DET1: variants seen among roughly 807,000 people sequenced by gnomAD.
DET1 encodes the protein DET1 homolog.
A neutral mutation model predicts 43.7 loss-of-function variants in DET1; 22 were observed. That is an observed-to-expected ratio of 0.50 (90% confidence interval 0.36 to 0.72). The LOEUF (loss-of-function observed/expected upper bound fraction) is 0.72, where lower values mean the gene tolerates loss of function less well. Ranked by LOEUF, DET1 falls within the 30% of genes least tolerant of loss-of-function variation. The pLI, the probability that DET1 is intolerant of heterozygous loss-of-function variation, is 0.00. For missense variants in DET1, 713 were observed against 713.3 expected (o/e 1.00, Z 0.00); for synonymous variants, 315 against 266.2 (o/e 1.18, Z -1.79).
intron 7 of DET1, chr15:88,505,076 C>T (rs2056126250): frequency 6.6e-6 from 1 of 152,152 alleles, no homozygotes; most frequent in African/African-American, 2.4e-5. Flanking sequence ...TCGACTTAAC[C>T]TCTAGTTTCA....
intron 1 of DET1, among the ~76,000 whole-genome samples, chr15:88,542,572 C>A (rs2057138933): frequency 6.6e-6 from 1 of 152,132 alleles, no homozygotes; most frequent in African/African-American, 2.4e-5. Flanking sequence ...GCTCCAGAAA[C>A]TGAAAGGATT....
Position 88,531,741 on chromosome 15 carries a change from C to A in DET1, c.-10-26G>T. 6.4e-7 allele frequency: 1 copy of A among 1,567,536 alleles called. No homozygotes were observed. The highest frequency in any genetic ancestry group is 1.2e-5 in the South Asian group (1 of 85,572). On this transcript the variant is annotated intron_variant, in intron 1 of 4. Transcript: ENST00000268148. This position sits in a 1 kb window ranked among gnomAD's most constrained non-coding sequence, Gnocchi z 6.2. ...CTAAACAGAAAAGTAAAGCAGAAGT[C>A]AAGAAAGTGAAACAGAATTTACCAA...
chr15:88,524,234 T>G (rs1229117123), intron 3 of DET1, among the ~76,000 whole-genome samples: 1 of 149,660 alleles, frequency 6.7e-6, no homozygotes, highest in Non-Finnish European at 1.5e-5. Flanking sequence ...GAGGAGCATC[T>G]CTGCCTGGCC....
chr15:88,519,636 T>C (rs1235715985), intron 3 of DET1, among the ~76,000 whole-genome samples: 1 of 152,190 alleles, frequency 6.6e-6, no homozygotes, highest in Non-Finnish European at 1.5e-5. Flanking sequence ...TCCTTCCACA[T>C]AGATGAAATT....
At chr15:88,513,267 A>G (rs1343404891) in intron 4 of DET1, 127 bp from the exon 5 acceptor site, 1 of 968,860 alleles carries the variant, frequency 1.0e-6, no homozygotes, top group Non-Finnish European at 1.5e-6. Flanking sequence ...ATCGCCTCTT[A>G]TATCAGCCCC....
At chr15:88,514,933 G>A (rs2056299486) in intron 4 of DET1, among the ~76,000 whole-genome samples, 1 of 152,088 alleles carries the variant, frequency 6.6e-6, no homozygotes, top group African/African-American at 2.4e-5. Context: ...AAGTCAGAAA[G>A]GAGAGAGAAA....
chr15:88,532,150 A>C (rs1047893526), intron 1 of DET1, among the ~76,000 whole-genome samples: 1 of 152,190 alleles, frequency 6.6e-6, no homozygotes, highest in African/African-American at 2.4e-5. Flanking sequence ...AAAAAATATA[A>C]AAATTAGCTA....
chr15:88,521,501 C>A (rs187779582), intron 3 of DET1, among the ~76,000 whole-genome samples: 674 of 152,338 alleles, frequency 4.4e-3, no homozygotes, highest in Middle Eastern at 0.024. Context: ...ATCCTCAAGA[C>A]TCTCTTTGCC....
chr15:88,540,463 TAA>T (rs531746270), intron 1 of DET1, among the ~76,000 whole-genome samples: 5 of 136,644 alleles, frequency 3.7e-5, no homozygotes, highest in Admixed American at 7.3e-5. Flanking sequence ...AATTGCCTTC[TAA>T]AAAAAAAAAA....
intron 1 of DET1, among the ~76,000 whole-genome samples, chr15:88,541,466 C>G (rs1039288561): frequency 1.3e-5 from 2 of 151,936 alleles, no homozygotes; most frequent in Admixed American, 1.3e-4. Flanking sequence ...CCAAATCTCT[C>G]GTCCCACCTT....
intron 4 of DET1, among the ~76,000 whole-genome samples, chr15:88,513,855 A>C (rs1480855532): frequency 1.6e-5 from 2 of 125,180 alleles, no homozygotes; most frequent in Non-Finnish European, 3.1e-5. Context: ...GCTGGAGTGC[A>C]GTGGCGCGAT....
intron 1 of DET1, among the ~76,000 whole-genome samples, chr15:88,543,606 C>T (rs1466536230): frequency 6.6e-6 from 1 of 152,190 alleles, no homozygotes; most frequent in African/African-American, 2.4e-5. Flanking sequence ...TATGAAAGGC[C>T]GGTGCAGCTG....
chr15:88,513,364 A>C (rs924300144), intron 4 of DET1, among the ~76,000 whole-genome samples: 15 of 152,218 alleles, frequency 9.9e-5, no homozygotes, highest in African/African-American at 3.6e-4. Flanking sequence ...GCACTGAGTC[A>C]CTGGTCATTT....
chr15:88,530,648 G>C lies in DET1; in HGVS notation c.1058C>G (p.Thr353Arg). Residue 353 changes from threonine (T) to arginine (R), a missense_variant, in exon 2 of 5, where the codon ACA becomes AGA. Coordinates refer to ENST00000268148, the MANE Select transcript of DET1 (RefSeq NM_001144074.3). ...FIKYTSEDVV[T>R]LRVTDPSQAS... ...CTGTGATGGATCTGTGACTCGCAGT[G>C]TTACTACATCCTCACTAGTGTACTT... The C allele has an allele frequency of 6.2e-7, 1 of 1,611,372 alleles. No individual in the cohort carries two copies. The highest frequency in any genetic ancestry group is 8.5e-7 in the Non-Finnish European group (1 of 1,178,444).
At position 88,517,057 on chromosome 15, in the gene DET1, A is replaced by C. The variant is rs1056169936; in HGVS notation, c.1272-84T>G. ...TTTTAAATTGACAAATATATGTCTAAGAACAACTCATTCTTTAAATACAAA... is the reference window on the plus strand; with the variant it reads ...TTTTAAATTGACAAATATATGTCTACGAACAACTCATTCTTTAAATACAAA... On this transcript the variant is annotated intron_variant, in intron 3 of 4. Coordinates refer to ENST00000268148, the MANE Select transcript of DET1 (RefSeq NM_001144074.3). 3 of 967,554 alleles carry C rather than the reference A, an allele frequency of 3.1e-6. No homozygotes were observed. In the African/African-American group the frequency reaches 5.1e-5, roughly 17 times the overall value. 59.9% of individuals were successfully genotyped at this position (967,554 alleles called of 1,614,324 possible). A position where few individuals can be genotyped will look rare whatever the true frequency, so the allele number is the denominator to read the frequency against.
At chr15:88,514,953 T>A (rs749705902) in intron 4 of DET1, among the ~76,000 whole-genome samples, 1 of 152,194 alleles carries the variant, frequency 6.6e-6, no homozygotes, top group Non-Finnish European at 1.5e-5. Context: ...ATGTATCTCA[T>A]GGTACTTGAC....
intron 7 of DET1, among the ~76,000 whole-genome samples, chr15:88,506,667 T>C (rs753229527): frequency 5.9e-5 from 9 of 152,218 alleles, no homozygotes; most frequent in Non-Finnish European, 1.3e-4. Context: ...TAAGTTACTC[T>C]GTGTACTTGA....
At chr15:88,517,814 T>A (rs1214633880) in intron 3 of DET1, among the ~76,000 whole-genome samples, 2 of 152,238 alleles carry the variant, frequency 1.3e-5, no homozygotes, top group East Asian at 3.8e-4. Context: ...TAGCTACCTA[T>A]ATTCCTGCAG....
At chr15:88,540,161 G>C (rs114715291) in intron 1 of DET1, among the ~76,000 whole-genome samples, 1,648 of 152,092 alleles carry the variant, frequency 0.011, 33 homozygotes, top group African/African-American at 0.037. Flanking sequence ...GAAAGAAAGA[G>C]CTAAATTTAA....
Sources: gnomAD v4.1 joint callset for allele counts (sites outside exome capture counted in the v4.1 genomes callset) on GRCh38, gnomAD v4.1.1 for gene constraint, Gnocchi (gnomAD v3.1) non-coding constraint, MANE v1.5 for transcripts, NCBI Gene and HGNC (gene_info 2026-07-23, HGNC 2026-07-21) for gene names.